MAN1C1: variants seen among roughly 807,000 people sequenced by gnomAD.
The protein encoded by MAN1C1 is mannosidase alpha class 1C member 1, also known as mannosyl-oligosaccharide 1,2-alpha-mannosidase IC.
A neutral mutation model predicts 71.5 loss-of-function variants in MAN1C1; 49 were observed. That is an observed-to-expected ratio of 0.69 (90% CI 0.54 to 0.87). The LOEUF is 0.87. Among genes scored for constraint, MAN1C1 ranks in the 40% least tolerant of loss-of-function variants. The probability of loss-of-function intolerance (pLI) is 0.00; values close to 1 mark genes in which losing one functional copy is unlikely to be tolerated. For synonymous variants in MAN1C1, 352 were observed against 343.7 expected (o/e 1.02, Z -0.27); for missense variants, 743 against 835.0 (o/e 0.89, Z 1.36).
chr1:25,665,770 G>A (rs1050756318), intron 1 of MAN1C1, among the ~76,000 whole-genome samples: 6 of 151,716 alleles, frequency 4.0e-5, no homozygotes, highest in African/African-American at 1.5e-4. Flanking sequence ...AGAAGAAATG[G>A]TGTCAGAGTT....
intron 6 of MAN1C1, among the ~76,000 whole-genome samples, chr1:25,763,033 C>T (rs1443524675): frequency 1.3e-5 from 2 of 151,974 alleles, no homozygotes; most frequent in South Asian, 2.1e-4. Context: ...TTTGGGAGGC[C>T]GAGGCTGGTG....
intron 2 of MAN1C1, among the ~76,000 whole-genome samples, chr1:25,709,035 C>T (rs1333436846): frequency 6.6e-6 from 1 of 152,182 alleles, no homozygotes. Context: ...GGATGAGACA[C>T]AGCCGATGCC....
chr1:25,619,847 C>T (rs1428243413), intron 1 of MAN1C1, among the ~76,000 whole-genome samples: 1 of 152,186 alleles, frequency 6.6e-6, no homozygotes, highest in African/African-American at 2.4e-5. Context: ...TTGCCCCTCT[C>T]GACCTCCCAG....
At chr1:25,728,844 G>A (rs549527366) in intron 2 of MAN1C1, among the ~76,000 whole-genome samples, 16 of 152,278 alleles carry the variant, frequency 1.1e-4, no homozygotes, top group African/African-American at 3.6e-4. Context: ...ATCGTTGCTG[G>A]CACAGTAGAG....
chr1:25,765,379 C>T (rs939555541), intron 7 of MAN1C1, among the ~76,000 whole-genome samples: 3 of 152,220 alleles, frequency 2.0e-5, no homozygotes, highest in African/African-American at 7.2e-5. Flanking sequence ...TGGGCACTGC[C>T]TCTAGGGCCT....
At chr1:25,663,842 C>T (rs146499267) in intron 1 of MAN1C1, among the ~76,000 whole-genome samples, 1 of 152,232 alleles carries the variant, frequency 6.6e-6, no homozygotes, top group Non-Finnish European at 1.5e-5. Flanking sequence ...ACCCAGGAGG[C>T]CCACCAAGTC....
chr1:25,655,520 T>G (rs1009031141), intron 1 of MAN1C1, among the ~76,000 whole-genome samples: 20 of 152,216 alleles, frequency 1.3e-4, no homozygotes, highest in Non-Finnish European at 2.4e-4. Context: ...GAGCTGAGTT[T>G]GACAAGCACA....
intron 1 of MAN1C1, among the ~76,000 whole-genome samples, chr1:25,664,487 G>A (rs1332868157): frequency 6.6e-6 from 1 of 152,128 alleles, no homozygotes. Context: ...ATATAATAGT[G>A]GTAGGCAAAG....
intron 9 of MAN1C1, 98 bp from the exon 10 acceptor site, chr1:25,780,842 C>A: frequency 7.5e-7 from 1 of 1,329,418 alleles, no homozygotes; most frequent in South Asian, 1.3e-5. Flanking sequence ...CTGACATCAC[C>A]CTGGCCGCGG....
At chr1:25,740,626 C>G (rs533505933) in intron 2 of MAN1C1, among the ~76,000 whole-genome samples, 1 of 151,964 alleles carries the variant, frequency 6.6e-6, no homozygotes, top group Non-Finnish European at 1.5e-5. Context: ...TTAGTAGAGA[C>G]GGGGTTTCAC....
chr1:25,713,662 T>A (rs1252420577), intron 2 of MAN1C1, among the ~76,000 whole-genome samples: 1 of 152,292 alleles, frequency 6.6e-6, no homozygotes, highest in Admixed American at 6.5e-5. Flanking sequence ...CTGATTCATA[T>A]GAGGTCTGAA....
In MAN1C1 at chr1:25,769,350, T is replaced by C. The variant is rs1265653601; in HGVS notation, c.1142-2307T>C. 1.3e-5 allele frequency among the ~76,000 whole-genome samples: 2 copies of C among 149,480 alleles called. No homozygotes were observed. Among genetic ancestry groups the C allele is most frequent in the Non-Finnish European group, 3.0e-5 (2 of 67,460 alleles). ...ACCTACATACACCACACACATTCAT[T>C]CACCACACATACACACTCACCCCAC... On this transcript the variant is annotated intron_variant, in intron 7 of 11. Transcript: ENST00000374332. The surrounding 1 kb of genome is among the most constrained non-coding windows in gnomAD (Gnocchi z 4.8).
Position 25,631,250 on chromosome 1 carries a change from G to A in MAN1C1, c.540+12913G>A, listed in dbSNP as rs1300423113. Among the ~76,000 whole-genome samples, 1 of 152,136 alleles carries A rather than the reference G, an allele frequency of 6.6e-6. No homozygotes were observed. Among genetic ancestry groups the A allele is most frequent in the Admixed American group, 6.5e-5 (1 of 15,278 alleles). ...CCCAAAGTGCTAGGATTACAGGCAT[G>A]AGCCACCGCACCCAGCCCAGTGCTA... On this transcript the variant is annotated intron_variant, in intron 1 of 11. Transcript: ENST00000374332. The surrounding 1 kb of genome is among the most constrained non-coding windows in gnomAD (Gnocchi z 4.2).
At chr1:25,747,130 C>T (rs141150489) in intron 3 of MAN1C1, among the ~76,000 whole-genome samples, 512 of 152,294 alleles carry the variant, frequency 3.4e-3, no homozygotes, top group Middle Eastern at 0.01. Context: ...GCAGCTGCAG[C>T]AAGTGGGGAA....
intron 1 of MAN1C1, among the ~76,000 whole-genome samples, chr1:25,651,942 G>A (rs1371960425): frequency 6.6e-6 from 1 of 152,022 alleles, no homozygotes; most frequent in African/African-American, 2.4e-5. Flanking sequence ...GAGGAGAGAA[G>A]ACCCTGCTGC....
chr1:25,749,344 G>A lies in MAN1C1; in HGVS notation c.834+9G>A, dbSNP rs1029771492. The A allele has an allele frequency of 6.2e-7, 1 of 1,605,244 alleles. No homozygotes were observed. Among genetic ancestry groups the A allele is most frequent in the African/African-American group, 1.3e-5 (1 of 74,834 alleles). On this transcript the variant is annotated intron_variant, in intron 4 of 11. Transcript: ENST00000374332. ...ACCTGACAGGAGAAGAGGTGGGTTGGCCTTTCATGACCCCTGAACTGTCCA... is the reference window on the plus strand; with the variant it reads ...ACCTGACAGGAGAAGAGGTGGGTTGACCTTTCATGACCCCTGAACTGTCCA...
intron 1 of MAN1C1, among the ~76,000 whole-genome samples, chr1:25,643,137 G>A (rs1468646406): frequency 6.6e-6 from 1 of 152,054 alleles, no homozygotes; most frequent in African/African-American, 2.4e-5. Flanking sequence ...TTAGATTGCA[G>A]AGGGACGGGG....
chr1:25,758,728 C>T lies in MAN1C1; in HGVS notation c.1047+19C>T. 6.3e-7 allele frequency: 1 copy of T among 1,597,726 alleles called. No homozygotes were observed. Among genetic ancestry groups the T allele is most frequent in the Non-Finnish European group, 8.6e-7 (1 of 1,165,204 alleles). ...TGAAAAGGCAAGTCTCCTCCCCACC[C>T]TTCTTCCTGCGGAGCAGAGGGATGA... On this transcript the variant is annotated intron_variant, in intron 6 of 11. Coordinates refer to ENST00000374332, the MANE Select transcript of MAN1C1 (RefSeq NM_020379.4).
At chr1:25,647,011 C>T (rs2045624119) in intron 1 of MAN1C1, among the ~76,000 whole-genome samples, 1 of 152,154 alleles carries the variant, frequency 6.6e-6, no homozygotes, top group Non-Finnish European at 1.5e-5. Context: ...CCAGTGGCTG[C>T]ACCGCTTTAC....
Sources: gnomAD v4.1 joint callset for allele counts (sites outside exome capture counted in the v4.1 genomes callset) on GRCh38, gnomAD v4.1.1 for gene constraint, Gnocchi (gnomAD v3.1) non-coding constraint, MANE v1.5 for transcripts, NCBI Gene and HGNC (gene_info 2026-07-23, HGNC 2026-07-21) for gene names.